Variants in MCCC1 observed in about 807,000 individuals in gnomAD.
MCCC1 encodes methylcrotonoyl-CoA carboxylase subunit alpha, mitochondrial.
A neutral mutation model predicts 83.8 loss-of-function variants in MCCC1; 64 were observed. The ratio of observed to expected loss-of-function variants is 0.76; its 90% CI spans 0.62 to 0.94. MCCC1 has a LOEUF of 0.94. Ranked by LOEUF, MCCC1 falls within the 40% of genes least tolerant of loss-of-function variation. MCCC1 has a pLI of 0.00. For synonymous variants in MCCC1, 322 were observed against 315.4 expected (o/e 1.02, Z -0.22); for missense variants, 807 against 904.7 (o/e 0.89, Z 1.39).
chr3:183,027,531 C>T (rs1160621117), intron 14 of MCCC1, among the ~76,000 whole-genome samples: 2 of 152,092 alleles, frequency 1.3e-5, no homozygotes, highest in Non-Finnish European at 2.9e-5. Context: ...GGTGAAATAG[C>T]TGGGCTGGGA....
At chr3:183,078,260 T>A (rs531252023) in intron 4 of MCCC1, among the ~76,000 whole-genome samples, 2 of 152,342 alleles carry the variant, frequency 1.3e-5, no homozygotes, top group South Asian at 4.1e-4. Flanking sequence ...CCTCAAGTGA[T>A]CTGCCCACCT....
At chr3:183,090,715 G>A (rs372358140) in intron 3 of MCCC1, among the ~76,000 whole-genome samples, 4 of 151,784 alleles carry the variant, frequency 2.6e-5, no homozygotes, top group African/African-American at 7.3e-5. Flanking sequence ...TCAGCCTCCC[G>A]AGTAGCTGGG....
At chr3:183,108,883 A>G (rs2108585649) in intron 1 of MCCC1, among the ~76,000 whole-genome samples, 1 of 152,276 alleles carries the variant, frequency 6.6e-6, no homozygotes, top group East Asian at 1.9e-4. Context: ...GGAATGACCC[A>G]TTACAGCATC....
At position 183,022,835 on chromosome 3, in the gene MCCC1, G is replaced by C. The variant is rs150387870; in HGVS notation, c.1732-281C>G. ...ATAAAGGTTCACGTAAACATATAAA[G>C]ATAGCATTAAAAATATGAAACAAAA... On this transcript the variant is annotated intron_variant, in intron 15 of 18. Transcript: ENST00000265594. 8 of 239,376 alleles carry C rather than the reference G, an allele frequency of 3.3e-5. No individual in the cohort carries two copies. The East Asian group carries it at 4.4e-4, about 13-fold the overall frequency. The allele number at this position is 239,376 out of a possible 1,614,324, so 14.8% of individuals were successfully genotyped here.
intron 14 of MCCC1, among the ~76,000 whole-genome samples, chr3:183,026,367 T>TTA (rs1351531657): frequency 6.6e-6 from 1 of 152,174 alleles, no homozygotes; most frequent in Non-Finnish European, 1.5e-5. Flanking sequence ...TTTAAGGTTG[T>TTA]CGAATATTTT....
chr3:183,054,440 G>A (rs959302920), intron 8 of MCCC1, among the ~76,000 whole-genome samples: 2 of 151,350 alleles, frequency 1.3e-5, no homozygotes, highest in African/African-American at 4.9e-5. Flanking sequence ...ACCCGTCTCG[G>A]CCTCCCAAAG....
At chr3:183,052,426 C>T (rs927215085) in intron 8 of MCCC1, among the ~76,000 whole-genome samples, 186 bp from the exon 9 acceptor site, 1 of 152,204 alleles carries the variant, frequency 6.6e-6, no homozygotes, top group African/African-American at 2.4e-5. Context: ...GACACTGTAG[C>T]TGTCATAACA....
At chr3:183,026,597 C>G (rs1577246761) in intron 14 of MCCC1, among the ~76,000 whole-genome samples, 1 of 152,218 alleles carries the variant, frequency 6.6e-6, no homozygotes, top group African/African-American at 2.4e-5. Flanking sequence ...GTAATCCCAG[C>G]TACTCAGGGG....
intron 7 of MCCC1, among the ~76,000 whole-genome samples, chr3:183,068,474 C>T (rs1401578770): frequency 6.6e-6 from 1 of 152,184 alleles, no homozygotes; most frequent in Non-Finnish European, 1.5e-5. Context: ...GAATACTCCA[C>T]CCCTTGTTTA....
chr3:183,033,550 T>C (rs1396348954), intron 14 of MCCC1, among the ~76,000 whole-genome samples: 1 of 152,188 alleles, frequency 6.6e-6, no homozygotes, highest in Non-Finnish European at 1.5e-5. Context: ...CCTGAAACAC[T>C]GCATGGGCAG....
chr3:183,069,398 T>A (rs1006058078), intron 7 of MCCC1, among the ~76,000 whole-genome samples: 1 of 152,230 alleles, frequency 6.6e-6, no homozygotes, highest in Admixed American at 6.5e-5. Context: ...GTCTCCACAA[T>A]TCTAACTTAA....
intron 14 of MCCC1, among the ~76,000 whole-genome samples, chr3:183,032,131 A>G (rs1447820692): frequency 6.6e-6 from 1 of 152,206 alleles, no homozygotes; most frequent in African/African-American, 2.4e-5. Context: ...AACAGCAATC[A>G]TGTTGGCTTT....
At chr3:183,052,012 A>G (rs1715017013) in intron 9 of MCCC1, 147 bp downstream of exon 9, 1 of 708,266 alleles carries the variant, frequency 1.4e-6, no homozygotes, top group East Asian at 2.7e-5. Context: ...TGTACATACT[A>G]AGTCTCAATA....
chr3:183,077,878 TC>T (rs1008694479), intron 4 of MCCC1, among the ~76,000 whole-genome samples: 10 of 152,198 alleles, frequency 6.6e-5, no homozygotes, highest in African/African-American at 2.4e-4. Flanking sequence ...TGAAAAACTC[TC>T]CTTTCCTCTA....
chr3:183,032,328 C>T (rs2108458688), intron 14 of MCCC1, among the ~76,000 whole-genome samples: 1 of 152,236 alleles, frequency 6.6e-6, no homozygotes, highest in African/African-American at 2.4e-5. Context: ...AACTTTACCG[C>T]TTTTGATATT....
At chr3:183,087,114 T>C (rs73053960) in intron 3 of MCCC1, among the ~76,000 whole-genome samples, 1,705 of 152,280 alleles carry the variant, frequency 0.011, 36 homozygotes, top group African/African-American at 0.039. Context: ...CTTAAATGTA[T>C]TCAAGGCCAA....
chr3:183,105,325 C>G (rs1379567075), intron 1 of MCCC1, among the ~76,000 whole-genome samples: 2 of 151,862 alleles, frequency 1.3e-5, no homozygotes, highest in African/African-American at 4.8e-5. Flanking sequence ...GCCTGGGCAG[C>G]AAGAGCAAAA....
chr3:183,068,162 A>G (rs1286944188), intron 7 of MCCC1, among the ~76,000 whole-genome samples: 1 of 152,212 alleles, frequency 6.6e-6, no homozygotes, highest in East Asian at 1.9e-4. Context: ...AGCAACTCCC[A>G]TCTTGAATAG....
chr3:183,064,638 A>G lies in MCCC1; in HGVS notation c.761+6361T>C, dbSNP rs1716110283. 6.6e-6 allele frequency among the ~76,000 whole-genome samples: 1 copy of G among 152,204 alleles called. No homozygotes were observed. Among genetic ancestry groups the G allele is most frequent in the African/African-American group, 2.4e-5 (1 of 41,462 alleles). ...CGGTACGCCTCCTGCGCGTTGCCGA[A>G]GTCCACTGCGGGCACCGGCGGCCAC... is the stretch of plus-strand genomic sequence containing the variant. On this transcript the variant is annotated intron_variant, in intron 7 of 18. Transcript: ENST00000265594. This position sits in a 1 kb window ranked among gnomAD's most constrained non-coding sequence, Gnocchi z 4.5.
Sources: allele counts gnomAD v4.1 joint callset (sites outside exome capture counted in the v4.1 genomes callset), GRCh38; gene constraint gnomAD v4.1.1; non-coding constraint Gnocchi (gnomAD v3.1); transcripts MANE v1.5; gene names NCBI Gene and HGNC (gene_info 2026-07-23, HGNC 2026-07-21).